Variants in HMCN1 observed in about 807,000 individuals in gnomAD.
HMCN1 encodes hemicentin-1.
A neutral mutation model predicts 625.9 loss-of-function variants in HMCN1; 321 were observed. The observed-to-expected ratio is 0.51, with a 90% CI of 0.47 to 0.56. The LOEUF (loss-of-function observed/expected upper bound fraction) is 0.56. HMCN1 is among the 20% of genes least tolerant of loss of function. The probability of loss-of-function intolerance (pLI) is 0.00; values close to 1 mark genes in which losing one functional copy is unlikely to be tolerated. For missense variants in HMCN1, 6,588 were observed against 6,887.3 expected, an observed-to-expected ratio of 0.96 and a Z score of 1.54; for synonymous variants, 2,425 against 2,417.6, an observed-to-expected ratio of 1.00 and a Z score of -0.09.
Position 185,858,586 on chromosome 1 carries a change from ATTTTTTTTTTTTTTTTTTTTT to A in HMCN1, c.340-5857_340-5837del, listed in dbSNP as rs71101980. On this transcript the variant is annotated intron_variant, in intron 2 of 106. Transcript: ENST00000271588. ...GCCTATATGCCACCACACCCAGCTA[ATTTTTTTTTTTTTTTTTTTTT>A]TTTTTTTTTTTTTTTTTTTTTTTTT... 2.4e-3 allele frequency among the ~76,000 whole-genome samples: 83 copies of A among 34,748 alleles called. 1 individual carries two copies. The highest frequency in any genetic ancestry group is 0.016 in the East Asian group (21 of 1,326). 22.8% of individuals were successfully genotyped at this position (34,748 alleles called of 152,430 possible).
chr1:185,780,473 T>G (rs1360381603), intron 1 of HMCN1, among the ~76,000 whole-genome samples: 3 of 152,200 alleles, frequency 2.0e-5, no homozygotes, highest in Non-Finnish European at 4.4e-5. Context: ...AGTATGATAT[T>G]GGCTGTGGGT....
chr1:186,058,148 G>A (rs1478815442), intron 46 of HMCN1, among the ~76,000 whole-genome samples: 1 of 151,912 alleles, frequency 6.6e-6, no homozygotes, highest in East Asian at 1.9e-4. Context: ...GTTAAGTAAG[G>A]CTCATGATGG....
chr1:185,835,749 T>C (rs1661127694), intron 1 of HMCN1, among the ~76,000 whole-genome samples: 1 of 149,186 alleles, frequency 6.7e-6, no homozygotes, highest in African/African-American at 2.6e-5. Context: ...ATATTTCTTC[T>C]ATGAAGAGAA....
chr1:186,188,134 G>A, intron 106 of HMCN1, 125 bp downstream of exon 106: 1 of 1,154,806 alleles, frequency 8.7e-7, no homozygotes. Flanking sequence ...AGGAAGATGT[G>A]GGGTTACAGT....
At chr1:186,115,437 A>G in intron 75 of HMCN1, 23 bp downstream of exon 75, 1 of 1,600,722 alleles carries the variant, frequency 6.2e-7, no homozygotes, top group Non-Finnish European at 8.5e-7. Flanking sequence ...TAAAACTCCT[A>G]CCAACTATTT....
At chr1:185,945,142 G>A (rs1668270212) in intron 11 of HMCN1, among the ~76,000 whole-genome samples, 1 of 152,102 alleles carries the variant, frequency 6.6e-6, no homozygotes, top group African/African-American at 2.4e-5. Context: ...TTACAAAGGA[G>A]GAATATTTAT....
intron 97 of HMCN1, among the ~76,000 whole-genome samples, chr1:186,155,809 C>T (rs750809004): frequency 6.6e-6 from 1 of 152,082 alleles, no homozygotes; most frequent in Non-Finnish European, 1.5e-5. Flanking sequence ...TTTGAGCAAC[C>T]ATTAGGGGGC....
At chr1:186,033,302 TGATGAGG>T in intron 36 of HMCN1, among the ~76,000 whole-genome samples, 1 of 152,158 alleles carries the variant, frequency 6.6e-6, no homozygotes, top group South Asian at 2.1e-4. Context: ...GGGGGAAGTG[TGATGAGG>T]GATGAGGGAT....
intron 45 of HMCN1, among the ~76,000 whole-genome samples, chr1:186,056,394 A>AT (rs1024213281): frequency 2.0e-5 from 3 of 151,972 alleles, no homozygotes; most frequent in Admixed American, 6.6e-5. Context: ...TAGATGATTG[A>AT]TTTTTTAGGA....
At chr1:186,005,093 TAATTGTTTA>T (rs1283534307) in intron 29 of HMCN1, among the ~76,000 whole-genome samples, 6 of 151,618 alleles carry the variant, frequency 4.0e-5, no homozygotes, top group South Asian at 2.1e-4. Context: ...AATAATTTTT[TAATTGTTTA>T]AATTGTTTAT....
intron 1 of HMCN1, among the ~76,000 whole-genome samples, chr1:185,829,557 C>A (rs1305004215): frequency 6.6e-6 from 1 of 152,118 alleles, no homozygotes; most frequent in East Asian, 1.9e-4. Context: ...TGGCTTGTAG[C>A]TTCATCCATG....
At chr1:186,022,297 A>C (rs1268597491) in intron 35 of HMCN1, among the ~76,000 whole-genome samples, 2 of 151,940 alleles carry the variant, frequency 1.3e-5, no homozygotes, top group Non-Finnish European at 2.9e-5. Flanking sequence ...GCAGATTCTG[A>C]AAAGTAATCT....
In HMCN1 at chr1:186,090,828, G is replaced by C. The variant is rs1255405781; in HGVS notation, c.9798G>C (p.Leu3266=). 1 of 1,612,580 alleles carries C rather than the reference G, an allele frequency of 6.2e-7. No homozygotes were observed. Residue 3266 remains leucine, a synonymous_variant, in exon 64 of 107, where the codon CTG becomes CTC. Coordinates refer to ENST00000271588, the MANE Select transcript of HMCN1 (RefSeq NM_031935.3). Reference sequence around the variant, plus strand: ...TCCTTCTAGGAGAAAATGTTGAGCTGGTCTGCAATGCAAATGGCATTCCTA... The same window carrying C: ...TCCTTCTAGGAGAAAATGTTGAGCTCGTCTGCAATGCAAATGGCATTCCTA... ...VSVLLGENVE[L]VCNANGIPTP... is the part of the protein sequence containing the mutation.
At chr1:186,012,479 C>A (rs1249677183) in intron 30 of HMCN1, among the ~76,000 whole-genome samples, 1 of 151,232 alleles carries the variant, frequency 6.6e-6, no homozygotes, top group Admixed American at 6.6e-5. Flanking sequence ...GTCAACTTGT[C>A]AAAAGTCAAG....
At chr1:185,908,945 T>A (rs1436063661) in intron 4 of HMCN1, among the ~76,000 whole-genome samples, 1 of 151,784 alleles carries the variant, frequency 6.6e-6, no homozygotes, top group Admixed American at 6.6e-5. Flanking sequence ...TCTGGAAGAA[T>A]AAAATCTGGA....
intron 14 of HMCN1, among the ~76,000 whole-genome samples, chr1:185,968,899 G>T (rs974450046): frequency 5.3e-5 from 8 of 152,070 alleles, no homozygotes; most frequent in Non-Finnish European, 8.8e-5. Context: ...CAAGAAAGGA[G>T]AATCTATCAA....
At chr1:186,017,750 G>A (rs1376356877) in intron 33 of HMCN1, among the ~76,000 whole-genome samples, 1 of 151,898 alleles carries the variant, frequency 6.6e-6, no homozygotes, top group African/African-American at 2.4e-5. Flanking sequence ...ATATTTAGGA[G>A]CACTTGTCTC....
At chr1:185,767,180 A>G (rs1016603210) in intron 1 of HMCN1, among the ~76,000 whole-genome samples, 2 of 152,192 alleles carry the variant, frequency 1.3e-5, no homozygotes, top group African/African-American at 4.8e-5. Flanking sequence ...TAATATTTAC[A>G]TTCTAGATTG....
intron 69 of HMCN1, among the ~76,000 whole-genome samples, chr1:186,105,414 A>T (rs1367604467): frequency 6.6e-6 from 1 of 152,208 alleles, no homozygotes; most frequent in African/African-American, 2.4e-5. Flanking sequence ...TATCTGCAAC[A>T]TCTACTTATG....
Sources: allele counts gnomAD v4.1 joint callset (sites outside exome capture counted in the v4.1 genomes callset), GRCh38; gene constraint gnomAD v4.1.1; transcripts MANE v1.5; gene names NCBI Gene and HGNC (gene_info 2026-07-23, HGNC 2026-07-21).